The following NRXN1 variants were observed in gnomAD, a reference collection of about 807,000 sequenced individuals.
NRXN1 encodes neurexin-1.
Under a neutral mutation model 150.9 loss-of-function variants are expected in NRXN1, and 39 were observed. The observed-to-expected ratio is 0.26, with a 90% confidence interval of 0.20 to 0.34. NRXN1 has a LOEUF of 0.34. Ranked by LOEUF, NRXN1 falls within the 10% of genes least tolerant of loss-of-function variation. The pLI, the probability that NRXN1 is intolerant of heterozygous loss-of-function variation, is 1.00. For synonymous variants in NRXN1, 924 were observed against 757.0 expected (o/e 1.22, Z -3.62); for missense variants, 1,815 against 1,949.9 (o/e 0.93, Z 1.30).
chr2:50,390,065 T>G (rs2081584806), intron 17 of NRXN1, among the ~76,000 whole-genome samples: 1 of 152,198 alleles, frequency 6.6e-6, no homozygotes, highest in Admixed American at 6.5e-5. Context: ...AATAGTAGTA[T>G]TAGACTGTAT....
chr2:51,029,266 AAC>A (rs1671105075), intron 1 of NRXN1, 72 bp from the exon 2 acceptor site: 1 of 152,240 alleles, frequency 6.6e-6, no homozygotes, highest in African/African-American at 2.4e-5. Context: ...TTCAGCTCAT[AAC>A]ACAAGTGTAG....
chr2:50,240,731 C>T (rs1374941938), intron 17 of NRXN1, among the ~76,000 whole-genome samples: 2 of 151,448 alleles, frequency 1.3e-5, no homozygotes, highest in African/African-American at 2.4e-5. Context: ...TATTGGGATT[C>T]CTATTTGAAA....
chr2:50,063,173 T>C (rs1573686138), intron 19 of NRXN1, among the ~76,000 whole-genome samples: 1 of 152,186 alleles, frequency 6.6e-6, no homozygotes, highest in African/African-American at 2.4e-5. Flanking sequence ...GCAATGTGTA[T>C]TGTTGTCATA....
At chr2:50,200,208 G>A (rs996408422) in intron 18 of NRXN1, among the ~76,000 whole-genome samples, 1 of 152,074 alleles carries the variant, frequency 6.6e-6, no homozygotes, top group Non-Finnish European at 1.5e-5. Context: ...ACCCATAAAT[G>A]TATATCATAG....
At chr2:50,889,187 C>CA (rs2103803306) in intron 5 of NRXN1, among the ~76,000 whole-genome samples, 1 of 151,780 alleles carries the variant, frequency 6.6e-6, no homozygotes, top group South Asian at 2.1e-4. Flanking sequence ...AACTGCTCTT[C>CA]ATGTATTTAA....
intron 15 of NRXN1, among the ~76,000 whole-genome samples, chr2:50,479,914 C>T (rs962759056): frequency 3.3e-5 from 5 of 151,672 alleles, no homozygotes; most frequent in African/African-American, 4.8e-5. Flanking sequence ...GCTGGGATTA[C>T]AGGTCTATGC....
At chr2:50,468,543 T>C (rs185178865) in intron 16 of NRXN1, among the ~76,000 whole-genome samples, 1 of 150,478 alleles carries the variant, frequency 6.6e-6, no homozygotes, top group East Asian at 1.9e-4. Context: ...TGAATAAAAT[T>C]AGGAAAAAGC....
At chr2:50,152,551 T>C (rs1226702416) in intron 18 of NRXN1, among the ~76,000 whole-genome samples, 1 of 151,844 alleles carries the variant, frequency 6.6e-6, no homozygotes, top group African/African-American at 2.4e-5. Context: ...TCTTAATTTC[T>C]CCTTCACTTT....
intron 17 of NRXN1, among the ~76,000 whole-genome samples, chr2:50,344,646 G>A (rs112442413): frequency 6.6e-6 from 1 of 152,144 alleles, no homozygotes; most frequent in Non-Finnish European, 1.5e-5. Context: ...GTATTCTGGA[G>A]GGAAAGAAAT....
At chr2:50,912,844 T>C (rs980438195) in intron 5 of NRXN1, 1 of 150,082 alleles carries the variant, frequency 6.7e-6, no homozygotes, top group African/African-American at 2.5e-5. Context: ...GTTCTATAAA[T>C]AATGAGGACA....
intron 5 of NRXN1, among the ~76,000 whole-genome samples, chr2:50,787,598 C>A (rs1055896093): frequency 6.6e-6 from 1 of 151,310 alleles, no homozygotes; most frequent in Admixed American, 6.6e-5. Context: ...ACAACAACAA[C>A]AACAACAAAA....
At chr2:50,389,414 G>A (rs2081541949) in intron 17 of NRXN1, among the ~76,000 whole-genome samples, 1 of 151,084 alleles carries the variant, frequency 6.6e-6, no homozygotes, top group Non-Finnish European at 1.5e-5. Flanking sequence ...CAGCATACAA[G>A]CTATTTAACC....
chr2:50,842,141 T>A (rs1186144691), intron 5 of NRXN1, among the ~76,000 whole-genome samples: 2 of 152,188 alleles, frequency 1.3e-5, no homozygotes, highest in Non-Finnish European at 2.9e-5. Context: ...AGGTTACCTG[T>A]CACCAGCAAA....
chr2:50,948,204 A>G (rs1168143386), intron 2 of NRXN1, among the ~76,000 whole-genome samples: 3 of 152,052 alleles, frequency 2.0e-5, no homozygotes, highest in Non-Finnish European at 4.4e-5. Context: ...TTTACTCTCA[A>G]TGAACAGAAT....
chr2:50,875,651 T>A (rs1678467652), intron 5 of NRXN1, among the ~76,000 whole-genome samples: 1 of 151,752 alleles, frequency 6.6e-6, no homozygotes, highest in Non-Finnish European at 1.5e-5. Flanking sequence ...CTTTTCCCAA[T>A]TACATTCTCC....
rs138424669 is a variant in NRXN1 at position 50,891,821 on chromosome 2, G to A, written c.832+30048C>T. Among the ~76,000 whole-genome samples, 369 of 152,078 alleles carry A rather than the reference G, an allele frequency of 2.4e-3. 2 individuals carry two copies. Among genetic ancestry groups the A allele is most frequent in the African/African-American group, 8.2e-3 (341 of 41,520 alleles). On this transcript the variant is annotated intron_variant, in intron 5 of 22. Transcript: ENST00000401669. ...ATTATATTTTTGAAACATGAGTAGC[G>A]GGCAAAGACTTCTCAACATATTCAC...
chr2:50,670,294 A>G (rs986703803), intron 5 of NRXN1, among the ~76,000 whole-genome samples: 1 of 151,866 alleles, frequency 6.6e-6, no homozygotes, highest in African/African-American at 2.4e-5. Flanking sequence ...ATCATTTATC[A>G]TTAAAAAAAA....
intron 21 of NRXN1, among the ~76,000 whole-genome samples, chr2:49,996,320 G>C (rs1001229585): frequency 3.3e-5 from 5 of 152,114 alleles, no homozygotes; most frequent in Admixed American, 1.3e-4. Flanking sequence ...TCTTTGAAAG[G>C]GATGGGATAA....
intron 5 of NRXN1, among the ~76,000 whole-genome samples, chr2:50,760,135 G>C (rs1403963419): frequency 6.6e-6 from 1 of 151,816 alleles, no homozygotes; most frequent in Non-Finnish European, 1.5e-5. Context: ...CATGTCAATT[G>C]TTATGATTCA....
Sources: gnomAD v4.1 joint callset for allele counts (sites outside exome capture counted in the v4.1 genomes callset) on GRCh38, gnomAD v4.1.1 for gene constraint, MANE v1.5 for transcripts, NCBI Gene and HGNC (gene_info 2026-07-23, HGNC 2026-07-21) for gene names.